Variants in RSF1 observed in about 807,000 individuals in gnomAD.
The protein encoded by RSF1 is remodeling and spacing factor 1.
In RSF1, 13 loss-of-function variants were observed where a neutral mutation model predicts 145.2. The ratio of observed to expected loss-of-function variants is 0.09; its 90% CI spans 0.06 to 0.14. The LOEUF is 0.14. Among genes scored for constraint, RSF1 ranks in the 10% least tolerant of loss-of-function variants. The pLI is 1.00. For missense variants in RSF1, 1,517 were observed against 1,718.2 expected (o/e 0.88, Z 2.07); for synonymous variants, 577 against 592.6 (o/e 0.97, Z 0.38).
rs1367767190 is a variant in RSF1, at chr11:77,664,098, T to C, written c.*2819A>G. The C allele has an allele frequency of 6.6e-6, 1 of 152,218 alleles. No individual in the cohort carries two copies. Among genetic ancestry groups the C allele is most frequent in the Non-Finnish European group, 1.5e-5 (1 of 68,040 alleles). The allele number at this position is 152,218 out of a possible 1,614,324, so 9.4% of individuals were successfully genotyped here. On this transcript the variant is annotated 3_prime_UTR_variant, in exon 16 of 16. Coordinates refer to ENST00000308488, the MANE Select transcript of RSF1 (RefSeq NM_016578.4). ...TTTGTATACAGAACATTTCGTTTTC[T>C]AAAATTTTTTAACTTCTTCAGAATA... is the stretch of plus-strand genomic sequence containing the variant.
At position 77,702,949 on chromosome 11, in the gene RSF1, G is replaced by T. The variant is rs144279798; in HGVS notation, c.734-454C>A. The T allele has an allele frequency of 5.4e-3, 824 of 152,376 alleles. 1 individual carries two copies. The highest frequency in any genetic ancestry group is 9.2e-3 in the Admixed American group (140 of 15,298). The allele number at this position is 152,376 out of a possible 1,614,324, so 9.4% of individuals were successfully genotyped here. ...CGGCAGTGGGAAAATGAAAAATATA[G>T]AAAGACAAAAAGCCCATATCCTATT... is the stretch of plus-strand genomic sequence containing the variant. On this transcript the variant is annotated intron_variant, in intron 5 of 15. Transcript: ENST00000308488.
chr11:77,733,447 C>T lies in RSF1; in HGVS notation c.578+7284G>A, dbSNP rs141886965. On this transcript the variant is annotated intron_variant, in intron 4 of 15. Transcript: ENST00000308488. Reference sequence around the variant, plus strand: ...TACAAAAGTACTTTCTGTAGTCCCACTAAGATCCTGAAGAAGCTTGTGATG... The same window carrying T: ...TACAAAAGTACTTTCTGTAGTCCCATTAAGATCCTGAAGAAGCTTGTGATG... Among the ~76,000 whole-genome samples, 1,187 of 152,212 alleles carry T rather than the reference C, an allele frequency of 7.8e-3. 7 individuals carry two copies. Among genetic ancestry groups the T allele is most frequent in the Middle Eastern group, 0.024 (7 of 294 alleles).
intron 4 of RSF1, among the ~76,000 whole-genome samples, chr11:77,729,042 C>A (rs1238173584): frequency 6.6e-6 from 1 of 152,118 alleles, no homozygotes. Flanking sequence ...TACGGATGTG[C>A]TCCAAGGTTT....
chr11:77,706,240 CAAA>C (rs1286243034), intron 5 of RSF1, among the ~76,000 whole-genome samples: 6 of 61,024 alleles, frequency 9.8e-5, no homozygotes, highest in Admixed American at 1.8e-4. Context: ...ACTCTGTCTC[CAAA>C]AAAAAAAAAA....
chr11:77,770,694 T>G (rs553460734), intron 1 of RSF1, among the ~76,000 whole-genome samples: 1 of 152,192 alleles, frequency 6.6e-6, no homozygotes, highest in South Asian at 2.1e-4. Context: ...AACCAAAAAC[T>G]AGAAAATTTT....
chr11:77,667,406 G>A lies in RSF1; in HGVS notation c.3837C>T (p.Asp1279=), dbSNP rs147251995. 102 of 1,613,714 alleles carry A rather than the reference G, an allele frequency of 6.3e-5. No individual in the cohort carries two copies. The highest frequency in any genetic ancestry group is 2.9e-4 in the African/African-American group (22 of 74,864). The part of the protein sequence containing the change: ...RSVRKRGRST[D]EYSEADEEEE... ...CCTCCTCATCTGCTTCTGAATACTCGTCTGTGCTTCGGCCCCGCTTTCGAA... is the reference window on the plus strand; with the variant it reads ...CCTCCTCATCTGCTTCTGAATACTCATCTGTGCTTCGGCCCCGCTTTCGAA... Residue 1279 remains aspartate, a synonymous_variant, in exon 16 of 16, where the codon GAC becomes GAT. Coordinates refer to ENST00000308488, the MANE Select transcript of RSF1 (RefSeq NM_016578.4).
chr11:77,707,496 T>C (rs1960578022), intron 5 of RSF1, among the ~76,000 whole-genome samples: 1 of 152,194 alleles, frequency 6.6e-6, no homozygotes, highest in African/African-American at 2.4e-5. Flanking sequence ...CCATTTAAAA[T>C]ATAAGCTAAA....
chr11:77,826,343 C>CAT, the RSF1 span, among the ~76,000 whole-genome samples: 20 of 150,558 alleles, frequency 1.3e-4, no homozygotes, highest in African/African-American at 4.6e-4. Context: ...GCCTGGGTGA[C>CAT]AGAGTGAGAC....
At chr11:77,755,098 G>A (rs566997488) in intron 2 of RSF1, among the ~76,000 whole-genome samples, 7 of 152,328 alleles carry the variant, frequency 4.6e-5, no homozygotes, top group Admixed American at 4.6e-4. Context: ...TTTCAAATAT[G>A]ATGGGATATC....
the RSF1 span, among the ~76,000 whole-genome samples, chr11:77,856,991 C>G: frequency 3.9e-5 from 6 of 152,156 alleles, no homozygotes; most frequent in Non-Finnish European, 5.9e-5. Flanking sequence ...CATTTAAACT[C>G]AAATATTCTA....
At chr11:77,757,757 AAGG>A (rs1407479563) in intron 2 of RSF1, among the ~76,000 whole-genome samples, 1 of 152,196 alleles carries the variant, frequency 6.6e-6, no homozygotes, top group Non-Finnish European at 1.5e-5. Flanking sequence ...TTCTAATGTC[AAGG>A]AGAACAACTA....
rs1959260159 is a variant in RSF1, at chr11:77,662,751, T to G, written c.*4166A>C. 6.6e-6 allele frequency: 1 copy of G among 152,162 alleles called. No individual in the cohort carries two copies. The highest frequency in any genetic ancestry group is 1.5e-5 in the Non-Finnish European group (1 of 68,008). 9.4% of individuals were successfully genotyped at this position (152,162 alleles called of 1,614,324 possible). ...GATGATATAGGAATGGATTTTAATC[T>G]GAGAAGATTCAATAATGGATCATAT... On this transcript the variant is annotated 3_prime_UTR_variant, in exon 16 of 16. Coordinates refer to ENST00000308488, the MANE Select transcript of RSF1 (RefSeq NM_016578.4).
intron 5 of RSF1, among the ~76,000 whole-genome samples, chr11:77,706,018 C>A (rs1466717399): frequency 6.6e-6 from 1 of 151,998 alleles, no homozygotes; most frequent in Non-Finnish European, 1.5e-5. Context: ...GTAATCCCAG[C>A]ACTTTGGGAG....
intron 13 of RSF1, among the ~76,000 whole-genome samples, chr11:77,676,358 A>G (rs1959701938): frequency 6.6e-6 from 1 of 151,902 alleles, no homozygotes; most frequent in South Asian, 2.1e-4. Context: ...TATTGTTTCA[A>G]TTCCAACTCT....
the RSF1 span, among the ~76,000 whole-genome samples, chr11:77,858,490 C>T: frequency 6.6e-6 from 1 of 151,832 alleles, no homozygotes; most frequent in East Asian, 1.9e-4. Flanking sequence ...TTTTAACGAG[C>T]TCTCTTTGCT....
chr11:77,869,905 T>C, the RSF1 span: 2 of 1,234,240 alleles, frequency 1.6e-6, no homozygotes, highest in South Asian at 1.2e-5. Context: ...TGGGAGGTCA[T>C]CTTTATATAT....
intron 12 of RSF1, chr11:77,677,210 T>C: frequency 1.8e-6 from 1 of 540,794 alleles, no homozygotes; most frequent in East Asian, 3.0e-5. Context: ...GTTTACTATG[T>C]AGGGAACCTC....
the RSF1 span, among the ~76,000 whole-genome samples, chr11:77,853,828 C>A: frequency 4.0e-5 from 6 of 151,896 alleles, no homozygotes; most frequent in Admixed American, 2.0e-4. Context: ...GTAATCCCAG[C>A]TACTTGGTAG....
the RSF1 span, among the ~76,000 whole-genome samples, chr11:77,841,731 AG>A: frequency 6.6e-6 from 1 of 152,132 alleles, no homozygotes; most frequent in African/African-American, 2.4e-5. Flanking sequence ...GAGCTTATAA[AG>A]CCCCCTGTGG....
Sources: allele counts gnomAD v4.1 joint callset (sites outside exome capture counted in the v4.1 genomes callset), GRCh38; gene constraint gnomAD v4.1.1; transcripts MANE v1.5; gene names NCBI Gene and HGNC (gene_info 2026-07-23, HGNC 2026-07-21).